Variants in PCDHA7 observed in about 807,000 individuals in gnomAD.
PCDHA7 encodes the protein protocadherin alpha-7.
A neutral mutation model predicts 57.2 loss-of-function variants in PCDHA7; 37 were observed. That is an observed-to-expected ratio of 0.65 (90% CI 0.50 to 0.85). The LOEUF (loss-of-function observed/expected upper bound fraction) is 0.85. Among genes scored for constraint, PCDHA7 ranks in the 40% least tolerant of loss-of-function variants. PCDHA7 has a pLI of 0.00. For missense variants in PCDHA7, 1,188 were observed against 1,241.8 expected (o/e 0.96, Z 0.65); for synonymous variants, 553 against 558.8 (o/e 0.99, Z 0.15).
At chr5:140,923,423 G>A (rs533295733) in intron 1 of PCDHA7, among the ~76,000 whole-genome samples, 1 of 152,142 alleles carries the variant, frequency 6.6e-6, no homozygotes. Context: ...GGCTACTTGG[G>A]AGGCTGGGGT....
At chr5:140,881,425 G>A (rs2058709101) in intron 1 of PCDHA7, 2 of 901,294 alleles carry the variant, frequency 2.2e-6, no homozygotes, top group Non-Finnish European at 1.3e-6. Flanking sequence ...TTAGTTCCAG[G>A]CATATTTTAT....
In PCDHA7 at chr5:140,834,548, G is replaced by T. The variant is rs1264423031; in HGVS notation, c.165G>T (p.Glu55Asp). Residue 55 changes from glutamate (E) to aspartate (D), a missense_variant, in exon 1 of 4, where the codon GAG becomes GAT. Coordinates refer to ENST00000525929, the MANE Select transcript of PCDHA7 (RefSeq NM_018910.3). ...GCATCGCGCAGGACCTGGGGCTGGA[G>T]CTGGCGGAGCTGGTGCCGCGCCTGT... ...VGRIAQDLGL[E>D]LAELVPRLFR... 1.2e-6 allele frequency: 2 copies of T among 1,613,978 alleles called. No homozygotes were observed. Among genetic ancestry groups the T allele is most frequent in the African/African-American group, 2.7e-5 (2 of 74,948 alleles).
intron 3 of PCDHA7, among the ~76,000 whole-genome samples, chr5:141,000,412 TATATA>T (rs2097919858): frequency 7.8e-5 from 8 of 102,770 alleles, no homozygotes; most frequent in African/African-American, 2.3e-4. Flanking sequence ...TATATATATA[TATATA>T]TATATTTTTT....
chr5:140,857,331 A>G lies in PCDHA7; in HGVS notation c.2355+20593A>G, dbSNP rs1554149861. 4 of 1,598,402 alleles carry G rather than the reference A, an allele frequency of 2.5e-6. No homozygotes were observed. Among genetic ancestry groups the G allele is most frequent in the African/African-American group, 1.3e-5 (1 of 74,458 alleles). On this transcript the variant is annotated intron_variant, in intron 1 of 3. Coordinates refer to ENST00000525929, the MANE Select transcript of PCDHA7 (RefSeq NM_018910.3). ...TATGAGCTGGTGGTGACCGCGCGGG[A>G]CGGGGGCTCGCCTCCGCTGTGGGCC...
rs149656802 is a variant in PCDHA7, at chr5:141,008,452, C to T, written c.2504-1175C>T. ...TTTGCCCAGACAGACCATTACCCTTCCTCTCCAGCTCTGACTTCTACTCTT... is the reference window on the plus strand; with the variant it reads ...TTTGCCCAGACAGACCATTACCCTTTCTCTCCAGCTCTGACTTCTACTCTT... On this transcript the variant is annotated intron_variant, in intron 3 of 3. Coordinates refer to ENST00000525929, the MANE Select transcript of PCDHA7 (RefSeq NM_018910.3). Among the ~76,000 whole-genome samples, 286 of 152,284 alleles carry T rather than the reference C, an allele frequency of 1.9e-3. 2 individuals carry two copies. Among genetic ancestry groups the T allele is most frequent in the African/African-American group, 6.5e-3 (272 of 41,548 alleles).
intron 1 of PCDHA7, among the ~76,000 whole-genome samples, chr5:140,961,995 TG>T (rs2095649493): frequency 1.3e-5 from 2 of 152,062 alleles, no homozygotes; most frequent in African/African-American, 4.8e-5. Flanking sequence ...GCCATTGTCC[TG>T]CCTCAGCTTC....
intron 3 of PCDHA7, among the ~76,000 whole-genome samples, chr5:140,984,830 T>C (rs2097123075): frequency 6.6e-6 from 1 of 152,220 alleles, no homozygotes; most frequent in South Asian, 2.1e-4. Context: ...TTACCCTTTC[T>C]GTAAATTGGG....
At position 140,849,456 on chromosome 5, in the gene PCDHA7, G is replaced by A. The variant is rs148680565; in HGVS notation, c.2355+12718G>A. On this transcript the variant is annotated intron_variant, in intron 1 of 3. Transcript: ENST00000525929. ...AAGTAGAGCACACAAGATCCCAGTC[G>A]AGGCTGTCGATAAAGGCTTCCCACC... The A allele has an allele frequency of 1.5e-5, 24 of 1,587,206 alleles. 3 individuals carry two copies. Among genetic ancestry groups the A allele is most frequent in the Non-Finnish European group, 1.8e-5 (21 of 1,161,294 alleles).
At chr5:140,899,479 A>T (rs2067352016) in intron 1 of PCDHA7, among the ~76,000 whole-genome samples, 1 of 152,194 alleles carries the variant, frequency 6.6e-6, no homozygotes, top group Non-Finnish European at 1.5e-5. Flanking sequence ...TTCTGTTTAT[A>T]TGCTGGATTA....
At chr5:140,987,007 A>T (rs2097221901) in intron 3 of PCDHA7, among the ~76,000 whole-genome samples, 1 of 152,144 alleles carries the variant, frequency 6.6e-6, no homozygotes, top group Non-Finnish European at 1.5e-5. Context: ...TGAGGTCATG[A>T]GTTCGAGACC....
chr5:140,850,692 G>A lies in PCDHA7; in HGVS notation c.2355+13954G>A, dbSNP rs2150494456. The A allele has an allele frequency of 1.9e-6, 3 of 1,598,344 alleles. 1 individual carries two copies. The Admixed American group carries it at 5.1e-5, about 27-fold the overall frequency. On this transcript the variant is annotated intron_variant, in intron 1 of 3. Transcript: ENST00000525929. ...GGCGATGCCCACCGAGGGCGAGTGC[G>A]CGCCTGGCAAGCCGACGCTGGTGTG...
At position 140,850,184 on chromosome 5, in the gene PCDHA7, G is replaced by A. The variant is rs2150471787; in HGVS notation, c.2355+13446G>A. 1.2e-5 allele frequency: 19 copies of A among 1,593,814 alleles called. 2 individuals carry two copies. The highest frequency in any genetic ancestry group is 4.5e-5 in the East Asian group (2 of 44,826). ...TGCTGGACGAGAACGACAATGCGCC[G>A]GCGCTGCTGACACCTCGGATGAGGG... On this transcript the variant is annotated intron_variant, in intron 1 of 3. Coordinates refer to ENST00000525929, the MANE Select transcript of PCDHA7 (RefSeq NM_018910.3).
intron 1 of PCDHA7, chr5:140,968,252 C>T: frequency 1.2e-6 from 2 of 1,613,948 alleles, no homozygotes; most frequent in Non-Finnish European, 1.7e-6. Context: ...AGCCACAGAC[C>T]CAGATGAAAA....
intron 1 of PCDHA7, among the ~76,000 whole-genome samples, chr5:140,907,880 A>G (rs2073662183): frequency 6.6e-6 from 1 of 152,236 alleles, no homozygotes; most frequent in Non-Finnish European, 1.5e-5. Flanking sequence ...GAGCACTCAC[A>G]TGGGATACAA....
At chr5:140,931,602 T>C (rs1192023680) in intron 1 of PCDHA7, among the ~76,000 whole-genome samples, 12 of 152,084 alleles carry the variant, frequency 7.9e-5, no homozygotes, top group Non-Finnish European at 1.2e-4. Flanking sequence ...TTTTCCATCA[T>C]TGTTGATATT....
At chr5:140,871,533 G>A in intron 1 of PCDHA7, 2 of 1,516,446 alleles carry the variant, frequency 1.3e-6, no homozygotes, top group South Asian at 1.3e-5. Context: ...GGAAGTGTAT[G>A]TGAAATTATT....
At chr5:140,958,844 G>A (rs533464436) in intron 1 of PCDHA7, among the ~76,000 whole-genome samples, 81 of 152,122 alleles carry the variant, frequency 5.3e-4, no homozygotes, top group African/African-American at 1.9e-3. Context: ...TATCATTCCA[G>A]TGTCTTTGGT....
intron 1 of PCDHA7, among the ~76,000 whole-genome samples, chr5:140,955,559 A>G (rs1220948022): frequency 6.6e-6 from 1 of 152,164 alleles, no homozygotes; most frequent in African/African-American, 2.4e-5. Flanking sequence ...CTCCCCAGCC[A>G]TACTGAACTG....
At chr5:140,884,833 C>G in intron 1 of PCDHA7, 1 of 916,634 alleles carries the variant, frequency 1.1e-6, no homozygotes, top group Non-Finnish European at 1.5e-6. Context: ...GTTGGATTAT[C>G]CTTCAGAGTG....
Sources: gnomAD v4.1 joint callset for allele counts (sites outside exome capture counted in the v4.1 genomes callset) on GRCh38, gnomAD v4.1.1 for gene constraint, MANE v1.5 for transcripts, NCBI Gene and HGNC (gene_info 2026-07-23, HGNC 2026-07-21) for gene names.